CMTM4: variants seen among roughly 807,000 people sequenced by gnomAD.
The protein encoded by CMTM4 is CKLF like MARVEL transmembrane domain containing 4, also known as CKLF-like MARVEL transmembrane domain-containing protein 4.
CMTM4 carries 8 observed loss-of-function variants against 19.0 expected under a neutral mutation model. The ratio of observed to expected loss-of-function variants is 0.42; its 90% CI spans 0.25 to 0.76. CMTM4 has a LOEUF of 0.76. Ranked by LOEUF, CMTM4 falls within the 30% of genes least tolerant of loss-of-function variation. The probability of loss-of-function intolerance (pLI) is 0.27; values close to 1 mark genes in which losing one functional copy is unlikely to be tolerated. For missense variants in CMTM4, 228 were observed against 290.2 expected (o/e 0.79, Z 1.56); for synonymous variants, 106 against 121.1 (o/e 0.88, Z 0.82).
intron 1 of CMTM4, among the ~76,000 whole-genome samples, chr16:66,660,115 C>T (rs1473681833): frequency 3.3e-5 from 5 of 152,066 alleles, no homozygotes; most frequent in East Asian, 1.9e-4. Flanking sequence ...AGGCAGAGCA[C>T]GGTGGCTCAT....
chr16:66,647,833 G>A (rs895658782), intron 1 of CMTM4, among the ~76,000 whole-genome samples: 2 of 152,124 alleles, frequency 1.3e-5, no homozygotes, highest in African/African-American at 2.4e-5. Flanking sequence ...ACCACACCCA[G>A]CTTTGCTGTT....
At chr16:66,678,502 G>A (rs912992453) in intron 1 of CMTM4, among the ~76,000 whole-genome samples, 4 of 152,182 alleles carry the variant, frequency 2.6e-5, no homozygotes, top group African/African-American at 7.2e-5. Flanking sequence ...AACTTTCCAA[G>A]TTATCTGATC....
rs775272648 is a variant in CMTM4, at chr16:66,696,314, C to A, written c.186+26G>T. Reference sequence around the variant, plus strand: ...GGCGTGCGGCTAGGCCGCCCTCGGGCACCTGGGGCCCCGCCCGGCACCTAC... The same window carrying A: ...GGCGTGCGGCTAGGCCGCCCTCGGGAACCTGGGGCCCCGCCCGGCACCTAC... On this transcript the variant is annotated intron_variant, in intron 1 of 3. Coordinates refer to ENST00000394106, the MANE Select transcript of CMTM4 (RefSeq NM_181521.3). This position sits in a 1 kb window ranked among gnomAD's most constrained non-coding sequence, Gnocchi z 4.3. The A allele has an allele frequency of 2.3e-6, 3 of 1,304,002 alleles. No homozygotes were observed. The highest frequency in any genetic ancestry group is 4.2e-5 in the Admixed American group (1 of 24,010). 80.8% of individuals were successfully genotyped at this position (1,304,002 alleles called of 1,614,324 possible).
Position 66,615,850 on chromosome 16 carries a change from T to A in CMTM4, c.*6208A>T, listed in dbSNP as rs1022999729. The A allele has an allele frequency of 2.0e-5, 3 of 152,220 alleles. No individual in the cohort carries two copies. Among genetic ancestry groups the A allele is most frequent in the Non-Finnish European group, 4.4e-5 (3 of 68,038 alleles). The allele number at this position is 152,220 out of a possible 1,614,324, so 9.4% of individuals were successfully genotyped here. A position where few individuals can be genotyped will look rare whatever the true frequency, so the allele number is the denominator to read the frequency against. On this transcript the variant is annotated 3_prime_UTR_variant, in exon 4 of 4. Coordinates refer to ENST00000394106, the MANE Select transcript of CMTM4 (RefSeq NM_181521.3). The surrounding 1 kb of genome is among the most constrained non-coding windows in gnomAD (Gnocchi z 4.9). ...AAATATGGAACCACTTTCTTTGTAC[T>A]GTTTGAGGTGAGCAGTGGCTCCAAA...
In CMTM4 at chr16:66,636,487, G is replaced by A. The variant is rs750021910; in HGVS notation, c.281C>T (p.Ala94Val). The A allele has an allele frequency of 9.9e-6, 16 of 1,613,980 alleles. No homozygotes were observed. The highest frequency in any genetic ancestry group is 6.6e-5 in the South Asian group (6 of 91,090). Reference sequence around the variant, plus strand: ...CAGCAAGACGCCAGTCACCACAAACGCACTGCAGCTCACAAACTCAAAAAA... The same window carrying A: ...CAGCAAGACGCCAGTCACCACAAACACACTGCAGCTCACAAACTCAAAAAA... The part of the protein sequence containing the change: ...LYFFEFVSCS[A>V]FVVTGVLLIM... The change falls in exon 2 of 4, where the codon GCG (alanine) becomes GTG (valine). Residue 94 changes from alanine (A) to valine (V), a missense_variant. By Grantham distance (64) the Ala-to-Val change is moderately conservative. Coordinates refer to ENST00000394106, the MANE Select transcript of CMTM4 (RefSeq NM_181521.3).
intron 1 of CMTM4, among the ~76,000 whole-genome samples, chr16:66,649,032 T>C (rs2016259674): frequency 6.6e-6 from 1 of 152,106 alleles, no homozygotes; most frequent in Non-Finnish European, 1.5e-5. Flanking sequence ...CCCCAGACAC[T>C]ATGTTCTAAA....
chr16:66,615,139 C>A lies in CMTM4; in HGVS notation c.*6919G>T, dbSNP rs1320642835. 6.6e-6 allele frequency: 1 copy of A among 152,250 alleles called. No homozygotes were observed. The highest frequency in any genetic ancestry group is 2.4e-5 in the African/African-American group (1 of 41,462). The allele number at this position is 152,250 out of a possible 1,614,324, so 9.4% of individuals were successfully genotyped here. ...CGCCTCAGAAAGCCCACAGTTGTGT[C>A]TTTAAACTGCCGAAATGAAAGAGAC... On this transcript the variant is annotated 3_prime_UTR_variant, in exon 4 of 4. Coordinates refer to ENST00000394106, the MANE Select transcript of CMTM4 (RefSeq NM_181521.3). This position sits in a 1 kb window ranked among gnomAD's most constrained non-coding sequence, Gnocchi z 4.9.
At chr16:66,643,213 A>G (rs777964480) in intron 1 of CMTM4, among the ~76,000 whole-genome samples, 4 of 152,156 alleles carry the variant, frequency 2.6e-5, no homozygotes, top group Non-Finnish European at 5.9e-5. Context: ...GAGCCACTGC[A>G]CCCAGCCACA....
chr16:66,601,341 A>T, the CMTM4 span, among the ~76,000 whole-genome samples: 1 of 152,146 alleles, frequency 6.6e-6, no homozygotes, highest in South Asian at 2.1e-4. Flanking sequence ...GACAGTGGGT[A>T]GCTCTTCTCT....
chr16:66,622,259 T>G lies in CMTM4; in HGVS notation c.463-37A>C. 1.2e-6 allele frequency: 2 copies of G among 1,605,034 alleles called. No homozygotes were observed. The highest frequency in any genetic ancestry group is 1.1e-5 in the South Asian group (1 of 89,634). On this transcript the variant is annotated intron_variant, in intron 3 of 3. Coordinates refer to ENST00000394106, the MANE Select transcript of CMTM4 (RefSeq NM_181521.3). The surrounding 1 kb of genome is among the most constrained non-coding windows in gnomAD (Gnocchi z 4.0). ...CCAGCACAGTTAGTCCTCGGGCACGTGGCCTGGCCCCTCAAGGCTTCTGTG... is the reference window on the plus strand; with the variant it reads ...CCAGCACAGTTAGTCCTCGGGCACGGGGCCTGGCCCCTCAAGGCTTCTGTG...
At chr16:66,646,539 G>A (rs2016204370) in intron 1 of CMTM4, among the ~76,000 whole-genome samples, 1 of 151,834 alleles carries the variant, frequency 6.6e-6, no homozygotes, top group African/African-American at 2.4e-5. Context: ...TATTTTCATT[G>A]AGCCCGCTTT....
At chr16:66,669,174 A>G (rs184245359) in intron 1 of CMTM4, among the ~76,000 whole-genome samples, 127 of 152,372 alleles carry the variant, frequency 8.3e-4, no homozygotes, top group African/African-American at 2.9e-3. Context: ...TATTCATAAA[A>G]TACAACATGA....
At chr16:66,694,118 G>C (rs1462779478) in intron 1 of CMTM4, among the ~76,000 whole-genome samples, 1 of 152,044 alleles carries the variant, frequency 6.6e-6, no homozygotes, top group Non-Finnish European at 1.5e-5. Context: ...AAAAAGAAAA[G>C]AACAACGCTA....
chr16:66,622,486 G>A lies in CMTM4; in HGVS notation c.463-264C>T, dbSNP rs1359154930. ...GATGTGTGGCTGTCACACCACAGCTGAGTCTCTAGTCATGTGACACACAGA... is the reference window on the plus strand; with the variant it reads ...GATGTGTGGCTGTCACACCACAGCTAAGTCTCTAGTCATGTGACACACAGA... On this transcript the variant is annotated intron_variant, in intron 3 of 3. Transcript: ENST00000394106. This position sits in a 1 kb window ranked among gnomAD's most constrained non-coding sequence, Gnocchi z 4.0. Among the ~76,000 whole-genome samples the A allele has an allele frequency of 6.6e-6, 1 of 152,226 alleles. No individual in the cohort carries two copies. Among genetic ancestry groups the A allele is most frequent in the Non-Finnish European group, 1.5e-5 (1 of 68,046 alleles).
chr16:66,634,704 C>T (rs1405647420), intron 2 of CMTM4, among the ~76,000 whole-genome samples: 3 of 151,938 alleles, frequency 2.0e-5, no homozygotes, highest in Non-Finnish European at 4.4e-5. Flanking sequence ...ACAGCGCCCA[C>T]TGGTTTGAGG....
At chr16:66,664,916 G>C (rs1251129336) in intron 1 of CMTM4, among the ~76,000 whole-genome samples, 1 of 151,448 alleles carries the variant, frequency 6.6e-6, no homozygotes, top group Non-Finnish European at 1.5e-5. Flanking sequence ...TTGCCTTGAG[G>C]CCAGGAGTTC....
intron 2 of CMTM4, among the ~76,000 whole-genome samples, chr16:66,631,527 T>C (rs1596912583): frequency 6.6e-6 from 1 of 152,172 alleles, no homozygotes. Flanking sequence ...AATCGGATGG[T>C]TGCTGTGTCT....
In CMTM4 at chr16:66,620,075, T is replaced by C; in HGVS notation, c.*1983A>G. The stretch of plus-strand genomic sequence containing the variant: ...AACAAGCCCACCTGAATGGTGTTCT[T>C]GTTTTCAATCTCACTTCAAAGATGG... On this transcript the variant is annotated 3_prime_UTR_variant, in exon 4 of 4. Transcript: ENST00000394106. 1.2e-5 allele frequency: 12 copies of C among 985,442 alleles called. No individual in the cohort carries two copies. The highest frequency in any genetic ancestry group is 1.4e-5 in the Non-Finnish European group (12 of 829,940). The allele number at this position is 985,442 out of a possible 1,614,324, so 61.0% of individuals were successfully genotyped here.
chr16:66,651,245 C>T lies in CMTM4; in HGVS notation c.187-14664G>A, dbSNP rs371099715. Among the ~76,000 whole-genome samples, 179 of 152,222 alleles carry T rather than the reference C, an allele frequency of 1.2e-3. 4 individuals carry two copies. The South Asian group carries it at 0.036, about 31-fold the overall frequency. ...CTACAGAAGAGGCACGAAGCCTCTC[C>T]GCACCATCTTTCACGGTGTTGAGAT... On this transcript the variant is annotated intron_variant, in intron 1 of 3. Transcript: ENST00000394106.
Sources: gnomAD v4.1 joint callset for allele counts (sites outside exome capture counted in the v4.1 genomes callset) on GRCh38, gnomAD v4.1.1 for gene constraint, Gnocchi (gnomAD v3.1) non-coding constraint, MANE v1.5 for transcripts, NCBI Gene and HGNC (gene_info 2026-07-23, HGNC 2026-07-21) for gene names.